Variants in RAD23B observed in about 807,000 individuals in gnomAD.
The protein encoded by RAD23B is RAD23 nucleotide excision repair protein B, also known as lysine-specific demethylase RAD23B.
RAD23B carries 5 observed loss-of-function variants against 49.1 expected under a neutral mutation model. The ratio of observed to expected loss-of-function variants is 0.10; its 90% CI spans 0.05 to 0.21. The LOEUF (loss-of-function observed/expected upper bound fraction) is 0.21, where lower values mean the gene tolerates loss of function less well. Ranked by LOEUF, RAD23B falls within the 10% of genes least tolerant of loss-of-function variation. The pLI is 1.00. For missense variants in RAD23B, 356 were observed against 486.7 expected, an observed-to-expected ratio of 0.73 and a Z score of 2.53; for synonymous variants, 184 against 165.4, an observed-to-expected ratio of 1.11 and a Z score of -0.86.
intron 7 of RAD23B, among the ~76,000 whole-genome samples, chr9:107,323,061 A>G (rs1827141145): frequency 6.6e-6 from 1 of 152,256 alleles, no homozygotes; most frequent in Non-Finnish European, 1.5e-5. Flanking sequence ...ATTACAACAT[A>G]CATCTAAAAA....
At chr9:107,303,496 TATC>T (rs1420977643) in intron 3 of RAD23B, among the ~76,000 whole-genome samples, 8 of 152,210 alleles carry the variant, frequency 5.3e-5, no homozygotes, top group African/African-American at 1.7e-4. Context: ...GGAAACCTTG[TATC>T]ATCTAGGTTT....
chr9:107,327,582 C>CT (rs1827235670), intron 9 of RAD23B, among the ~76,000 whole-genome samples: 1 of 152,106 alleles, frequency 6.6e-6, no homozygotes, highest in Non-Finnish European at 1.5e-5. Context: ...CCCACATTTT[C>CT]TCCTTTCGAT....
Position 107,318,885 on chromosome 9 carries a change from A to C in RAD23B, c.681+6A>C. 1 of 1,606,226 alleles carries C rather than the reference A, an allele frequency of 6.2e-7. No individual in the cohort carries two copies. On this transcript the variant is annotated splice_donor_region_variant and intron_variant, in intron 6 of 9. Transcript: ENST00000358015. The surrounding 1 kb of genome is among the most constrained non-coding windows in gnomAD (Gnocchi z 4.3). ...CAGTGGAGTATCTTTTAATGGTGAG[A>C]AATATGTTTTACTTTACTCCATTCT...
intron 5 of RAD23B, among the ~76,000 whole-genome samples, chr9:107,313,316 C>G (rs891421823): frequency 6.6e-6 from 1 of 152,092 alleles, no homozygotes; most frequent in Non-Finnish European, 1.5e-5. Flanking sequence ...ACCTCCACCT[C>G]CCAGGTTTAA....
intron 7 of RAD23B, among the ~76,000 whole-genome samples, chr9:107,322,554 A>G (rs1827131106): frequency 6.6e-6 from 1 of 152,242 alleles, no homozygotes; most frequent in Non-Finnish European, 1.5e-5. Context: ...CCTTGTATCT[A>G]GAGGAGAAAG....
intron 2 of RAD23B, 45 bp from the exon 3 acceptor site, chr9:107,301,990 G>A (rs745570301): frequency 2.2e-5 from 35 of 1,592,902 alleles, no homozygotes; most frequent in Non-Finnish European, 2.9e-5. Context: ...AAGTGTAAGA[G>A]AAAGATTATG....
chr9:107,303,828 C>T (rs1826707680), intron 3 of RAD23B, among the ~76,000 whole-genome samples: 1 of 152,044 alleles, frequency 6.6e-6, no homozygotes, highest in Admixed American at 6.5e-5. Flanking sequence ...TGTTACTGGT[C>T]TTAGTTTCTT....
intron 5 of RAD23B, among the ~76,000 whole-genome samples, chr9:107,316,699 G>A (rs1827005252): frequency 6.6e-6 from 1 of 151,538 alleles, no homozygotes. Flanking sequence ...AAATTCTGCA[G>A]AAAAAAATTA....
At chr9:107,302,756 T>C (rs1826683411) in intron 3 of RAD23B, among the ~76,000 whole-genome samples, 1 of 151,228 alleles carries the variant, frequency 6.6e-6, no homozygotes, top group Non-Finnish European at 1.5e-5. Flanking sequence ...CCCGGGTTCA[T>C]GCCATTCTCC....
chr9:107,310,892 A>G (rs11573674), intron 4 of RAD23B, among the ~76,000 whole-genome samples: 2,400 of 152,278 alleles, frequency 0.016, 69 homozygotes, highest in African/African-American at 0.054. Flanking sequence ...CTTATTATGT[A>G]CTACCAAGGG....
At chr9:107,283,971 C>G (rs977833268) in intron 1 of RAD23B, 1 of 1,124,006 alleles carries the variant, frequency 8.9e-7, no homozygotes, top group African/African-American at 1.7e-5. Context: ...GGCCTAGGAG[C>G]TCGTGCTAGC....
intron 1 of RAD23B, among the ~76,000 whole-genome samples, chr9:107,288,412 G>T (rs1370100744): frequency 6.6e-6 from 1 of 152,144 alleles, no homozygotes; most frequent in Non-Finnish European, 1.5e-5. Context: ...TAAAGTATTT[G>T]ATAATACTTC....
chr9:107,299,708 G>A (rs182211073), intron 1 of RAD23B, among the ~76,000 whole-genome samples: 1 of 152,262 alleles, frequency 6.6e-6, no homozygotes, highest in African/African-American at 2.4e-5. Flanking sequence ...CACTTAAAAT[G>A]AATCATTTGC....
At position 107,326,321 on chromosome 9, in the gene RAD23B, T is replaced by C. The variant is rs149155100; in HGVS notation, c.1116+1317T>C. On this transcript the variant is annotated intron_variant, in intron 9 of 9. Coordinates refer to ENST00000358015, the MANE Select transcript of RAD23B (RefSeq NM_002874.5). ...GGTGAAACCCCGTCTCTACTAAAAATACAAAAAAAATTAGCCAGGCGTGAT... is the reference window on the plus strand; with the variant it reads ...GGTGAAACCCCGTCTCTACTAAAAACACAAAAAAAATTAGCCAGGCGTGAT... 8.6e-3 allele frequency among the ~76,000 whole-genome samples: 1,304 copies of C among 150,878 alleles called. 23 individuals are homozygous for C. The highest frequency in any genetic ancestry group is 0.03 in the African/African-American group (1,222 of 41,224).
At chr9:107,310,495 G>A (rs1056151371) in intron 4 of RAD23B, among the ~76,000 whole-genome samples, 1 of 152,046 alleles carries the variant, frequency 6.6e-6, no homozygotes, top group African/African-American at 2.4e-5. Context: ...TGATTGTGCC[G>A]ACATAGAATG....
chr9:107,301,354 C>T (rs760557789), intron 2 of RAD23B, among the ~76,000 whole-genome samples: 1 of 152,158 alleles, frequency 6.6e-6, no homozygotes, highest in Non-Finnish European at 1.5e-5. Context: ...AGGTTATTTT[C>T]CAGAGGACCC....
intron 6 of RAD23B, among the ~76,000 whole-genome samples, chr9:107,319,292 G>A (rs1183117984): frequency 5.9e-5 from 9 of 151,482 alleles, no homozygotes; most frequent in Admixed American, 3.9e-4. Flanking sequence ...CACCATGCTC[G>A]GCTAATTTTT....
chr9:107,301,981 AGT>A (rs1412261214), intron 2 of RAD23B, 52 bp from the exon 3 acceptor site: 2 of 1,578,326 alleles, frequency 1.3e-6, no homozygotes, highest in Non-Finnish European at 1.7e-6. Flanking sequence ...TTTTAACTGA[AGT>A]GTAAGAGAAA....
chr9:107,292,604 C>T (rs1443070644), intron 1 of RAD23B, among the ~76,000 whole-genome samples: 5 of 144,140 alleles, frequency 3.5e-5, no homozygotes, highest in African/African-American at 7.7e-5. Context: ...CGCTTGAACT[C>T]GTGAGGTGGA....
Sources: gnomAD v4.1 joint callset for allele counts (sites outside exome capture counted in the v4.1 genomes callset) on GRCh38, gnomAD v4.1.1 for gene constraint, Gnocchi (gnomAD v3.1) non-coding constraint, MANE v1.5 for transcripts, NCBI Gene and HGNC (gene_info 2026-07-23, HGNC 2026-07-21) for gene names.